Variants in CNGB3 observed in about 807,000 individuals in gnomAD.
CNGB3 encodes the protein cyclic nucleotide-gated channel beta-3.
CNGB3 carries 86 observed loss-of-function variants against 92.8 expected under a neutral mutation model. The observed-to-expected ratio is 0.93, with a 90% CI of 0.78 to 1.11. CNGB3 has a LOEUF of 1.11. Ranked by LOEUF, CNGB3 falls within the 50% of genes least tolerant of loss-of-function variation. The pLI is 0.00. For synonymous variants in CNGB3, 333 were observed against 332.7 expected (o/e 1.00, Z -0.01); for missense variants, 1,026 against 956.8 (o/e 1.07, Z -0.95).
intron 4 of CNGB3, 106 bp downstream of exon 4, chr8:86,670,838 C>A: frequency 8.3e-7 from 1 of 1,210,530 alleles, no homozygotes; most frequent in South Asian, 1.2e-5. Flanking sequence ...GTACGTAAAT[C>A]ATTTTCTCAG....
intron 2 of CNGB3, among the ~76,000 whole-genome samples, chr8:86,737,564 T>C (rs1348671433): frequency 6.6e-6 from 1 of 151,682 alleles, no homozygotes; most frequent in Non-Finnish European, 1.5e-5. Flanking sequence ...GGTACTGGAA[T>C]TTGGAATTAT....
In CNGB3 at chr8:86,626,484, C is replaced by G. The variant is rs1051048138; in HGVS notation, c.1481-404G>C. The stretch of plus-strand genomic sequence containing the variant: ...AGGGATGGCAAATAATAATGAGCAC[C>G]ATGTGGCACTGGAGAGCTTACAGAG... On this transcript the variant is annotated intron_variant, in intron 12 of 17. Coordinates refer to ENST00000320005, the MANE Select transcript of CNGB3 (RefSeq NM_019098.5). 2.6e-5 allele frequency among the ~76,000 whole-genome samples: 4 copies of G among 152,218 alleles called. No homozygotes were observed. The South Asian group carries it at 8.3e-4, about 32-fold the overall frequency.
At chr8:86,660,480 G>A (rs545982942) in intron 6 of CNGB3, 4 of 522,540 alleles carry the variant, frequency 7.7e-6, no homozygotes, top group African/African-American at 5.8e-5. Flanking sequence ...AAAGATGAAA[G>A]GGAAAGGAAG....
chr8:86,687,714 T>C (rs1174861400), intron 3 of CNGB3, among the ~76,000 whole-genome samples: 1 of 152,036 alleles, frequency 6.6e-6, no homozygotes, highest in Non-Finnish European at 1.5e-5. Context: ...ATCAATTATT[T>C]TTTTAAAATC....
chr8:86,722,669 C>A (rs552713659), intron 3 of CNGB3, among the ~76,000 whole-genome samples: 1 of 152,278 alleles, frequency 6.6e-6, no homozygotes, highest in South Asian at 2.1e-4. Context: ...CTCATTCAGT[C>A]AGTTGAAAGC....
intron 11 of CNGB3, among the ~76,000 whole-genome samples, chr8:86,632,377 G>C (rs1051214307): frequency 1.3e-5 from 2 of 152,000 alleles, no homozygotes; most frequent in Non-Finnish European, 2.9e-5. Context: ...GCATTTTGTA[G>C]CCTCTGGTTT....
intron 3 of CNGB3, among the ~76,000 whole-genome samples, chr8:86,706,569 T>G (rs1435050349): frequency 1.3e-5 from 2 of 152,210 alleles, no homozygotes; most frequent in African/African-American, 4.8e-5. Flanking sequence ...CCAATTAGAT[T>G]TGCCCTGAAT....
chr8:86,647,973 G>T, intron 7 of CNGB3, 86 bp from the exon 8 acceptor site: 2 of 844,042 alleles, frequency 2.4e-6, no homozygotes, highest in Middle Eastern at 2.2e-4. Flanking sequence ...TGTAAAAGTT[G>T]ACCAATCACA....
intron 15 of CNGB3, among the ~76,000 whole-genome samples, chr8:86,582,056 A>G (rs1821797089): frequency 1.5e-5 from 2 of 130,274 alleles, no homozygotes; most frequent in South Asian, 5.5e-4. Flanking sequence ...AAACAGTCCA[A>G]AGAAATAAGC....
Position 86,604,178 on chromosome 8 carries a change from G to A in CNGB3, c.1696C>T (p.His566Tyr), listed in dbSNP as rs144605411. 1.7e-5 allele frequency: 28 copies of A among 1,612,932 alleles called. No individual in the cohort carries two copies. In the East Asian group the frequency reaches 2.0e-4, roughly 12 times the overall value. ...EIGKEMYIIKHGEVQVLGGPD... is the reference protein window; with the variant it reads ...EIGKEMYIIKYGEVQVLGGPD... ...CCTCCAAGAACTTGGACTTCTCCAT[G>A]CTTGATGATATACATTTCCTTGCCA... Residue 566 changes from histidine to tyrosine, a missense_variant, in exon 15 of 18, where the codon CAT becomes TAT. Coordinates refer to ENST00000320005, the MANE Select transcript of CNGB3 (RefSeq NM_019098.5).
chr8:86,581,744 C>A (rs998642961), intron 15 of CNGB3, among the ~76,000 whole-genome samples: 59 of 151,786 alleles, frequency 3.9e-4, no homozygotes, highest in African/African-American at 1.3e-3. Flanking sequence ...TACCCCCCCA[C>A]CAAGTCTCCT....
intron 7 of CNGB3, among the ~76,000 whole-genome samples, chr8:86,648,766 A>G (rs1225248764): frequency 1.3e-5 from 2 of 151,130 alleles, no homozygotes; most frequent in Non-Finnish European, 3.0e-5. Context: ...TTGTAAGGCC[A>G]CACATATAAA....
intron 3 of CNGB3, among the ~76,000 whole-genome samples, chr8:86,700,827 A>G (rs1824541996): frequency 6.6e-6 from 1 of 152,032 alleles, no homozygotes; most frequent in African/African-American, 2.4e-5. Flanking sequence ...GTATTTAGAG[A>G]CAGAGTTTTG....
intron 15 of CNGB3, among the ~76,000 whole-genome samples, chr8:86,584,622 T>A (rs1162686127): frequency 6.6e-6 from 1 of 152,002 alleles, no homozygotes; most frequent in Non-Finnish European, 1.5e-5. Context: ...ATTCCACCCA[T>A]GGAAAGTTTC....
At chr8:86,610,880 A>G (rs562774559) in intron 14 of CNGB3, among the ~76,000 whole-genome samples, 104 of 152,324 alleles carry the variant, frequency 6.8e-4, no homozygotes, top group Non-Finnish European at 5.0e-4. Context: ...TGATACATCC[A>G]TAGACTGAAA....
chr8:86,596,993 AGG>A (rs1247117138), intron 15 of CNGB3, among the ~76,000 whole-genome samples: 1 of 134,870 alleles, frequency 7.4e-6, no homozygotes, highest in East Asian at 2.5e-4. Context: ...ACATGGAGAC[AGG>A]GAGGGGAACA....
chr8:86,627,653 G>A (rs1043245709), intron 12 of CNGB3, among the ~76,000 whole-genome samples: 4 of 152,208 alleles, frequency 2.6e-5, no homozygotes, highest in South Asian at 4.2e-4. Flanking sequence ...CATTATCTTC[G>A]ACTTATTTTA....
At position 86,657,978 on chromosome 8, in the gene CNGB3, C is replaced by A. The variant is rs565412007; in HGVS notation, c.853-3916G>T. On this transcript the variant is annotated intron_variant, in intron 6 of 17. Transcript: ENST00000320005. ...TGATGACGTCTGTCTCTCCAGACAGCTGGATGCAGCGACGTTCCAGTTTTT... is the reference window on the plus strand; with the variant it reads ...TGATGACGTCTGTCTCTCCAGACAGATGGATGCAGCGACGTTCCAGTTTTT... 1.5e-5 allele frequency: 8 copies of A among 549,994 alleles called. 1 individual carries two copies. Among genetic ancestry groups the A allele is most frequent in the Middle Eastern group, 6.1e-4 (2 of 3,302 alleles). The allele number at this position is 549,994 out of a possible 1,614,324, so 34.1% of individuals were successfully genotyped here. A position where few individuals can be genotyped will look rare whatever the true frequency, so the allele number is the denominator to read the frequency against.
intron 3 of CNGB3, 34 bp downstream of exon 3, chr8:86,726,497 C>T (rs757957011): frequency 6.2e-7 from 1 of 1,612,990 alleles, no homozygotes; most frequent in East Asian, 2.2e-5. Context: ...AGCAATATCT[C>T]TAAAATATGT....
Sources: allele counts gnomAD v4.1 joint callset (sites outside exome capture counted in the v4.1 genomes callset), GRCh38; gene constraint gnomAD v4.1.1; transcripts MANE v1.5; gene names NCBI Gene and HGNC (gene_info 2026-07-23, HGNC 2026-07-21).